Variants in SLC12A9 observed in about 807,000 individuals in gnomAD.
SLC12A9 encodes the protein solute carrier family 12 member 9, also known as CCC-interacting protein 1.
Under a neutral mutation model 66.0 loss-of-function variants are expected in SLC12A9, and 55 were observed. The observed-to-expected ratio is 0.83, with a 90% CI of 0.67 to 1.04. The LOEUF is 1.04. Among genes scored for constraint, SLC12A9 ranks in the 50% least tolerant of loss-of-function variants. SLC12A9 has a pLI of 0.00. For missense variants in SLC12A9, 1,061 were observed against 1,241.9 expected (o/e 0.85, Z 2.19); for synonymous variants, 577 against 569.0 (o/e 1.01, Z -0.20).
At chr7:100,859,001 G>C in intron 6 of SLC12A9, 49 bp from the exon 7 acceptor site, 1 of 1,612,068 alleles carries the variant, frequency 6.2e-7, no homozygotes, top group Non-Finnish European at 8.5e-7. Context: ...GAGGGACCCA[G>C]GGGGATGGCT....
chr7:100,857,288 G>T, intron 5 of SLC12A9, 112 bp downstream of exon 5: 1 of 1,237,922 alleles, frequency 8.1e-7, no homozygotes, highest in South Asian at 1.4e-5. Flanking sequence ...TGGAGGGCAG[G>T]AGGTCTGGAC....
chr7:100,858,593 AAAAT>A (rs1198989857), intron 5 of SLC12A9: 37 of 414,022 alleles, frequency 8.9e-5, no homozygotes, highest in Non-Finnish European at 1.2e-4. Context: ...CTGTCTCTAA[AAAAT>A]AAATAAATAA....
chr7:100,859,368 G>A (rs1814599877), intron 7 of SLC12A9: 1 of 589,608 alleles, frequency 1.7e-6, no homozygotes, highest in Admixed American at 3.0e-5. Context: ...GGTGGGTAGT[G>A]GCTTTCTACC....
At chr7:100,827,790 A>G (rs1161833007) in intron 1 of SLC12A9, among the ~76,000 whole-genome samples, 3 of 152,140 alleles carry the variant, frequency 2.0e-5, no homozygotes, top group Non-Finnish European at 4.4e-5. Context: ...AGGACCGAGC[A>G]TGTCGGGGCT....
intron 4 of SLC12A9, 83 bp from the exon 5 acceptor site, chr7:100,856,785 T>C: frequency 7.3e-6 from 10 of 1,366,718 alleles, no homozygotes; most frequent in Non-Finnish European, 9.9e-6. Flanking sequence ...GTGCTGGAAT[T>C]ATAGATGTGA....
chr7:100,831,613 C>T (rs1813544870), intron 1 of SLC12A9, among the ~76,000 whole-genome samples: 1 of 152,168 alleles, frequency 6.6e-6, no homozygotes, highest in Non-Finnish European at 1.5e-5. Context: ...GAGCTGGGAC[C>T]CCGCGCGGGG....
intron 1 of SLC12A9, among the ~76,000 whole-genome samples, chr7:100,841,184 A>C (rs1350146982): frequency 1.3e-5 from 2 of 152,138 alleles, no homozygotes; most frequent in African/African-American, 4.8e-5. Context: ...ATTTGTAATA[A>C]GTCAAAAAGT....
chr7:100,848,826 C>T (rs1169483398), upstream of SLC12A9, among the ~76,000 whole-genome samples: 2 of 151,704 alleles, frequency 1.3e-5, no homozygotes, highest in African/African-American at 2.4e-5. Flanking sequence ...GCAGAGCTTG[C>T]AGTGAGCCGA....
intron 1 of SLC12A9, chr7:100,827,071 G>A: frequency 6.4e-7 from 1 of 1,554,488 alleles, no homozygotes. Context: ...TGAGTTTGGG[G>A]GGCCCTCGCC....
upstream of SLC12A9, among the ~76,000 whole-genome samples, chr7:100,848,429 T>C (rs191202950): frequency 1.1e-4 from 17 of 151,060 alleles, no homozygotes; most frequent in East Asian, 3.3e-3. Context: ...GCCTGGGAGA[T>C]AGAGGTTGCT....
At chr7:100,855,549 A>C in intron 3 of SLC12A9, 157 bp from the exon 4 acceptor site, 1 of 873,112 alleles carries the variant, frequency 1.1e-6, no homozygotes, top group Non-Finnish European at 1.8e-6. Flanking sequence ...ATTGTTTTAC[A>C]GATGCAGAAA....
At chr7:100,850,225 C>T (rs568451927), upstream of SLC12A9, among the ~76,000 whole-genome samples, 190 of 130,022 alleles carry the variant, frequency 1.5e-3, 2 homozygotes, top group African/African-American at 5.5e-3. Context: ...TCCCTTCTTT[C>T]CTTCCTTCAT....
At chr7:100,834,318 A>C (rs1235169655) in intron 1 of SLC12A9, among the ~76,000 whole-genome samples, 1 of 152,108 alleles carries the variant, frequency 6.6e-6, no homozygotes, top group Non-Finnish European at 1.5e-5. Flanking sequence ...GAGGTGAGTG[A>C]GGGCCAGCCT....
At chr7:100,839,463 T>C (rs1362422817) in intron 1 of SLC12A9, among the ~76,000 whole-genome samples, 1 of 152,218 alleles carries the variant, frequency 6.6e-6, no homozygotes, top group Non-Finnish European at 1.5e-5. Flanking sequence ...TCCTGCTACA[T>C]TTCTTGGTTC....
chr7:100,835,139 T>C (rs1437484251), intron 1 of SLC12A9, among the ~76,000 whole-genome samples: 1 of 150,882 alleles, frequency 6.6e-6, no homozygotes, highest in Non-Finnish European at 1.5e-5. Context: ...GTGGATCACC[T>C]GAGGTCAGGA....
At chr7:100,854,464 T>C in intron 2 of SLC12A9, 86 bp downstream of exon 2, 1 of 1,589,010 alleles carries the variant, frequency 6.3e-7, no homozygotes, top group Non-Finnish European at 8.6e-7. Flanking sequence ...GGGATAAGAT[T>C]AGGAAGGGGA....
chr7:100,850,975 C>T (rs1007787095), upstream of SLC12A9, among the ~76,000 whole-genome samples: 4 of 152,060 alleles, frequency 2.6e-5, no homozygotes, highest in Non-Finnish European at 5.9e-5. Flanking sequence ...ACCTCGGCCT[C>T]CCAAAGTGCT....
upstream of SLC12A9, among the ~76,000 whole-genome samples, chr7:100,849,444 G>A (rs888909556): frequency 3.3e-5 from 5 of 151,308 alleles, no homozygotes; most frequent in Non-Finnish European, 7.4e-5. Flanking sequence ...GGGCGGGTGC[G>A]GTGGCTCACA....
At chr7:100,830,415 T>G (rs1344366344) in intron 1 of SLC12A9, among the ~76,000 whole-genome samples, 1 of 152,080 alleles carries the variant, frequency 6.6e-6, no homozygotes, top group African/African-American at 2.4e-5. Context: ...GACTCATACC[T>G]GTAATGCCAG....
Sources: gnomAD v4.1 joint callset for allele counts (sites outside exome capture counted in the v4.1 genomes callset) on GRCh38, gnomAD v4.1.1 for gene constraint, MANE v1.5 for transcripts, NCBI Gene and HGNC (gene_info 2026-07-23, HGNC 2026-07-21) for gene names.